Variants in AGBL1 observed in about 807,000 individuals in gnomAD.
The protein encoded by AGBL1 is AGBL carboxypeptidase 1.
Under a neutral mutation model 118.9 loss-of-function variants are expected in AGBL1, and 130 were observed. The observed-to-expected ratio is 1.09, with a 90% CI of 0.95 to 1.26. The LOEUF is 1.26. Ranked by LOEUF, AGBL1 falls within the 50% of genes most tolerant of loss-of-function variation. The pLI, the probability that AGBL1 is intolerant of heterozygous loss-of-function variation, is 0.00. For synonymous variants in AGBL1, 555 were observed against 478.9 expected (o/e 1.16, Z -2.08); for missense variants, 1,584 against 1,298.1 (o/e 1.22, Z -3.38).
intron 5 of AGBL1, among the ~76,000 whole-genome samples, chr15:86,170,504 G>T (rs2077398979): frequency 6.6e-6 from 1 of 152,056 alleles, no homozygotes; most frequent in South Asian, 2.1e-4. Context: ...GAAACCATGT[G>T]CATAAGAAAC....
chr15:86,755,753 C>T (rs1026526889), intron 22 of AGBL1, among the ~76,000 whole-genome samples: 2 of 152,048 alleles, frequency 1.3e-5, no homozygotes, highest in African/African-American at 4.8e-5. Context: ...TTAGTTCTTC[C>T]CAGCTATTCT....
intron 18 of AGBL1, among the ~76,000 whole-genome samples, chr15:86,429,639 T>G (rs1477794716): frequency 1.3e-5 from 2 of 152,238 alleles, no homozygotes; most frequent in Non-Finnish European, 2.9e-5. Flanking sequence ...CTCATGCCCC[T>G]ATAATTTCAT....
At chr15:86,402,434 G>T (rs1343976870) in intron 18 of AGBL1, among the ~76,000 whole-genome samples, 2 of 151,968 alleles carry the variant, frequency 1.3e-5, no homozygotes, top group African/African-American at 4.8e-5. Context: ...TTACAGATTT[G>T]GATGCCCTTT....
At chr15:86,081,195 C>T (rs1895257821) in intron 1 of AGBL1, among the ~76,000 whole-genome samples, 1 of 151,928 alleles carries the variant, frequency 6.6e-6, no homozygotes, top group Non-Finnish European at 1.5e-5. Context: ...AGGCTCCTGC[C>T]ACCATGCCTG....
intron 18 of AGBL1, among the ~76,000 whole-genome samples, chr15:86,497,329 G>T (rs913495195): frequency 1.3e-5 from 2 of 151,736 alleles, no homozygotes; most frequent in Non-Finnish European, 2.9e-5. Flanking sequence ...ATTTTCATTG[G>T]AATGATACTG....
At chr15:86,786,694 A>G (rs1311408879) in intron 22 of AGBL1, among the ~76,000 whole-genome samples, 1 of 152,142 alleles carries the variant, frequency 6.6e-6, no homozygotes, top group Non-Finnish European at 1.5e-5. Flanking sequence ...AATTGTTGTC[A>G]TGCTTTATGA....
At chr15:86,419,034 A>C (rs995890259) in intron 18 of AGBL1, among the ~76,000 whole-genome samples, 1 of 152,128 alleles carries the variant, frequency 6.6e-6, no homozygotes, top group African/African-American at 2.4e-5. Context: ...TAGATGGCAA[A>C]GACTGAACAT....
intron 17 of AGBL1, among the ~76,000 whole-genome samples, chr15:86,368,303 C>T (rs1054898627): frequency 6.6e-6 from 1 of 151,910 alleles, no homozygotes; most frequent in Non-Finnish European, 1.5e-5. Flanking sequence ...ACATAAACAA[C>T]AACCATGGAA....
intron 1 of AGBL1, among the ~76,000 whole-genome samples, chr15:86,082,531 C>G (rs1895354933): frequency 6.6e-6 from 1 of 152,226 alleles, no homozygotes; most frequent in Non-Finnish European, 1.5e-5. Context: ...AAAAGGCAAA[C>G]ACAAGCATAA....
chr15:86,678,763 G>A (rs1346942036), intron 22 of AGBL1, among the ~76,000 whole-genome samples: 2 of 152,070 alleles, frequency 1.3e-5, no homozygotes, highest in Non-Finnish European at 2.9e-5. Context: ...TTGAACTGAG[G>A]TAGGCAGGTA....
intron 17 of AGBL1, among the ~76,000 whole-genome samples, chr15:86,375,314 G>A (rs752242930): frequency 5.3e-5 from 8 of 152,104 alleles, no homozygotes; most frequent in Non-Finnish European, 1.0e-4. Context: ...CAAGTCGGCA[G>A]GAAAGAGAAG....
At chr15:86,640,092 G>T (rs2085166632) in intron 21 of AGBL1, among the ~76,000 whole-genome samples, 1 of 151,982 alleles carries the variant, frequency 6.6e-6, no homozygotes, top group African/African-American at 2.4e-5. Context: ...AGTTATTATT[G>T]TTACTATCAG....
At chr15:86,786,255 C>A (rs1281672864) in intron 22 of AGBL1, among the ~76,000 whole-genome samples, 1 of 152,050 alleles carries the variant, frequency 6.6e-6, no homozygotes, top group Non-Finnish European at 1.5e-5. Context: ...ATCCCTCCCC[C>A]TTCCCCCGAC....
At chr15:86,635,179 G>C (rs2085054762) in intron 21 of AGBL1, among the ~76,000 whole-genome samples, 1 of 151,168 alleles carries the variant, frequency 6.6e-6, no homozygotes, top group Non-Finnish European at 1.5e-5. Flanking sequence ...AAGAACTAGA[G>C]TTTACCCATA....
chr15:86,527,929 C>A (rs1409268031), intron 19 of AGBL1, among the ~76,000 whole-genome samples: 1 of 152,182 alleles, frequency 6.6e-6, no homozygotes, highest in African/African-American at 2.4e-5. Flanking sequence ...CTCACCTAGC[C>A]ATCCATCATC....
At chr15:86,572,658 G>A (rs2084027213) in intron 21 of AGBL1, among the ~76,000 whole-genome samples, 1 of 152,204 alleles carries the variant, frequency 6.6e-6, no homozygotes, top group African/African-American at 2.4e-5. Context: ...CAATGTTGGG[G>A]GCGGTGCAGT....
intron 1 of AGBL1, among the ~76,000 whole-genome samples, chr15:86,128,427 C>G (rs2141601223): frequency 6.6e-6 from 1 of 152,294 alleles, no homozygotes; most frequent in Non-Finnish European, 1.5e-5. Context: ...GGTGGGGACA[C>G]AGCCAAACCA....
chr15:86,483,385 G>T (rs898126925), intron 18 of AGBL1, among the ~76,000 whole-genome samples: 2 of 152,084 alleles, frequency 1.3e-5, no homozygotes, highest in African/African-American at 2.4e-5. Flanking sequence ...GATATCGATG[G>T]TGGAGCCAGT....
intron 1 of AGBL1, among the ~76,000 whole-genome samples, chr15:86,107,870 G>A (rs746117689): frequency 6.6e-6 from 1 of 152,162 alleles, no homozygotes; most frequent in Non-Finnish European, 1.5e-5. Context: ...TCAAAGCCTG[G>A]TGCATCCATA....
Sources: gnomAD v4.1 joint callset for allele counts (sites outside exome capture counted in the v4.1 genomes callset) on GRCh38, gnomAD v4.1.1 for gene constraint, MANE v1.5 for transcripts, NCBI Gene and HGNC (gene_info 2026-07-23, HGNC 2026-07-21) for gene names.